The following PTPN2 variants were observed in gnomAD, a reference collection of about 807,000 sequenced individuals.
PTPN2 encodes protein tyrosine phosphatase non-receptor type 2.
PTPN2 carries 19 observed loss-of-function variants against 57.3 expected under a neutral mutation model. That is an observed-to-expected ratio of 0.33 (90% CI 0.23 to 0.49). PTPN2 has a LOEUF of 0.49. Among genes scored for constraint, PTPN2 ranks in the 20% least tolerant of loss-of-function variants. The pLI is 0.99. For missense variants in PTPN2, 358 were observed against 501.1 expected (o/e 0.71, Z 2.73); for synonymous variants, 153 against 164.9 (o/e 0.93, Z 0.55).
At chr18:12,798,801 T>C (rs1242126268) in intron 8 of PTPN2, among the ~76,000 whole-genome samples, 2 of 152,208 alleles carry the variant, frequency 1.3e-5, no homozygotes, top group African/African-American at 4.8e-5. Context: ...TTGAATGGTA[T>C]TTCTGTTTTT....
intron 2 of PTPN2, 38 bp from the exon 3 acceptor site, chr18:12,836,929 A>C: frequency 7.9e-7 from 1 of 1,260,754 alleles, no homozygotes; most frequent in Non-Finnish European, 1.1e-6. Context: ...CTGTCATTTC[A>C]AAATTACTGT....
At chr18:12,857,273 G>C (rs192897158) in intron 2 of PTPN2, among the ~76,000 whole-genome samples, 52 of 152,230 alleles carry the variant, frequency 3.4e-4, no homozygotes, top group African/African-American at 1.1e-3. Context: ...CCACTGGTTT[G>C]CATCTAGACT....
At chr18:12,791,765 C>A (rs772523738), downstream of PTPN2, among the ~76,000 whole-genome samples, 1 of 152,116 alleles carries the variant, frequency 6.6e-6, no homozygotes, top group African/African-American at 2.4e-5. Context: ...ATATATGCGA[C>A]ACCACCCAGA....
chr18:12,884,186 G>A lies in PTPN2; in HGVS notation c.-45C>T. On this transcript the variant is annotated 5_prime_UTR_variant, in exon 1 of 9. Transcript: ENST00000309660. Reference sequence around the variant, plus strand: ...CGCGAGCAGAGCCTGCGCCGGCGGAGAGGCTCAGGCCCCGCACGATCCGGG... The same window carrying A: ...CGCGAGCAGAGCCTGCGCCGGCGGAAAGGCTCAGGCCCCGCACGATCCGGG... The A allele has an allele frequency of 1.3e-6, 2 of 1,509,108 alleles. No homozygotes were observed. Among genetic ancestry groups the A allele is most frequent in the Non-Finnish European group, 1.8e-6 (2 of 1,115,306 alleles). The allele number at this position is 1,509,108 out of a possible 1,614,324, so 93.5% of individuals were successfully genotyped here.
At chr18:12,835,543 T>G (rs2042834360) in intron 3 of PTPN2, among the ~76,000 whole-genome samples, 2 of 151,916 alleles carry the variant, frequency 1.3e-5, no homozygotes, top group Admixed American at 1.3e-4. Context: ...GCCCAGCTAA[T>G]TTTTGTATTT....
chr18:12,839,603 A>C (rs2042978140), intron 2 of PTPN2: 1 of 152,198 alleles, frequency 6.6e-6, no homozygotes, highest in Non-Finnish European at 1.5e-5. Context: ...GGATACCACA[A>C]AAGCAACCAA....
chr18:12,800,915 C>T (rs1330901136), intron 8 of PTPN2, among the ~76,000 whole-genome samples: 1 of 152,178 alleles, frequency 6.6e-6, no homozygotes, highest in East Asian at 1.9e-4. Flanking sequence ...ATAGATGCCA[C>T]ATTCATATGG....
chr18:12,829,756 A>G lies in PTPN2; in HGVS notation c.360+1187T>C, dbSNP rs902885015. Among the ~76,000 whole-genome samples the G allele has an allele frequency of 3.3e-5, 5 of 152,276 alleles. No individual in the cohort carries two copies. The East Asian group carries it at 9.6e-4, about 29-fold the overall frequency. On this transcript the variant is annotated intron_variant, in intron 4 of 8. Coordinates refer to ENST00000309660, the MANE Select transcript of PTPN2 (RefSeq NM_002828.4). ...TTTTTGGAAAACTGCTTTTAAGAGAAGTAATGACAGAATTGGATTATCATC... is the reference window on the plus strand; with the variant it reads ...TTTTTGGAAAACTGCTTTTAAGAGAGGTAATGACAGAATTGGATTATCATC...
chr18:12,834,123 T>C (rs1598813714), intron 3 of PTPN2, among the ~76,000 whole-genome samples: 1 of 152,266 alleles, frequency 6.6e-6, no homozygotes, highest in East Asian at 1.9e-4. Flanking sequence ...GGCCAGGAGT[T>C]TGAGACCAGC....
intron 2 of PTPN2, 38 bp downstream of exon 2, chr18:12,859,126 C>CA: frequency 1.3e-6 from 2 of 1,554,252 alleles, no homozygotes; most frequent in Middle Eastern, 1.7e-4. Context: ...TAAAACAAAC[C>CA]AAAAAATACA....
chr18:12,870,311 A>ATATACATATATATGTGTATATATATG (rs2044161155), intron 1 of PTPN2, among the ~76,000 whole-genome samples: 1 of 59,630 alleles, frequency 1.7e-5, no homozygotes, highest in Admixed American at 1.4e-4. Flanking sequence ...GTATATATAC[A>ATATACATATATATGTGTATATATATG]TATATATGTG....
At position 12,794,485 on chromosome 18, in the gene PTPN2, A is replaced by G. The variant is rs777795160; in HGVS notation, c.1041T>C (p.Ser347=). ...CCTCTCGAATACGTTTCCGTAGAGC[A>G]CTATGAGGAAATAAAAACAAGTGAA... The part of the protein sequence containing the change: ...MQDTMEENSE[S]ALRKRIREDR... Residue 347 remains serine (S), a splice_region_variant and synonymous_variant, in exon 9 of 9, where the codon AGT becomes AGC. Transcript: ENST00000309660. 3 of 1,612,036 alleles carry G rather than the reference A, an allele frequency of 1.9e-6. No individual in the cohort carries two copies. The highest frequency in any genetic ancestry group is 1.7e-5 in the Admixed American group (1 of 59,914).
chr18:12,804,619 A>G (rs1243628163), intron 7 of PTPN2, among the ~76,000 whole-genome samples: 1 of 152,146 alleles, frequency 6.6e-6, no homozygotes, highest in Non-Finnish European at 1.5e-5. Context: ...GTATGCCAAC[A>G]AATTGAAAAG....
At position 12,841,253 on chromosome 18, in the gene PTPN2, A is replaced by C. The variant is rs2043034414; in HGVS notation, c.161-4362T>G. On this transcript the variant is annotated intron_variant, in intron 2 of 8. Coordinates refer to ENST00000309660, the MANE Select transcript of PTPN2 (RefSeq NM_002828.4). ...AGCGGCAGGACTGGCAGATTCAGAA[A>C]GGCTGGCGAGCTGGCTAGAGAGGGC... is the stretch of plus-strand genomic sequence containing the variant. 2.0e-5 allele frequency among the ~76,000 whole-genome samples: 3 copies of C among 152,342 alleles called. No individual in the cohort carries two copies. In the South Asian group the frequency reaches 6.2e-4, roughly 32 times the overall value.
chr18:12,852,158 T>C (rs1218152702), intron 2 of PTPN2, among the ~76,000 whole-genome samples: 2 of 148,612 alleles, frequency 1.3e-5, no homozygotes, highest in Non-Finnish European at 3.0e-5. Flanking sequence ...ACTGTTAATA[T>C]ACACCTACAA....
rs1258342176 is a variant in PTPN2 at position 12,794,292 on chromosome 18, G to A, written c.1234C>T (p.Gln412Ter). The A allele has an allele frequency of 1.2e-6, 2 of 1,614,108 alleles. No individual in the cohort carries two copies. The highest frequency in any genetic ancestry group is 3.3e-5 in the Admixed American group (2 of 60,016). Residue 412 changes from glutamine (Q) to a stop codon, truncating the protein, a stop_gained, in exon 9 of 9, where the codon CAA (glutamine) becomes TAA (stop). Coordinates refer to ENST00000309660, the MANE Select transcript of PTPN2 (RefSeq NM_002828.4). LOFTEE classifies it high-confidence loss of function. The part of the protein sequence containing the change: ...AFVGWTLFFQ[Q>*]NAL ...AAATTAATTGTTTATAGGGCATTTT[G>A]CTGAAAAAACAGTGTCCAGCCAACA...
At chr18:12,871,493 T>C (rs1568171489) in intron 1 of PTPN2, among the ~76,000 whole-genome samples, 2 of 152,204 alleles carry the variant, frequency 1.3e-5, no homozygotes. Flanking sequence ...GTTCTTTACA[T>C]ATTAAGAAAG....
intron 1 of PTPN2, among the ~76,000 whole-genome samples, chr18:12,862,918 A>AC (rs60780296): frequency 1.3e-5 from 2 of 151,364 alleles, no homozygotes; most frequent in Non-Finnish European, 2.9e-5. Context: ...CAGGTCTGTA[A>AC]TATACGCAGC....
chr18:12,842,901 G>A (rs2043090939), intron 2 of PTPN2, among the ~76,000 whole-genome samples: 1 of 152,174 alleles, frequency 6.6e-6, no homozygotes, highest in African/African-American at 2.4e-5. Context: ...CTAGAATTTT[G>A]TTAGAATGAC....
Sources: allele counts gnomAD v4.1 joint callset (sites outside exome capture counted in the v4.1 genomes callset), GRCh38; gene constraint gnomAD v4.1.1; transcripts MANE v1.5; gene names NCBI Gene and HGNC (gene_info 2026-07-23, HGNC 2026-07-21).